The following KCTD8 variants were observed in gnomAD, a reference collection of about 807,000 sequenced individuals.
KCTD8 encodes the protein BTB/POZ domain-containing protein KCTD8.
Under a neutral mutation model 31.5 loss-of-function variants are expected in KCTD8, and 27 were observed. The observed-to-expected ratio is 0.86, with a 90% CI of 0.63 to 1.18. The LOEUF (loss-of-function observed/expected upper bound fraction) is 1.18. Among genes scored for constraint, KCTD8 ranks in the 50% most tolerant of loss-of-function variants. The probability of loss-of-function intolerance (pLI) is 0.00; values close to 1 mark genes in which losing one functional copy is unlikely to be tolerated. For missense variants in KCTD8, 658 were observed against 647.7 expected, an observed-to-expected ratio of 1.02 and a Z score of -0.17; for synonymous variants, 290 against 280.0, an observed-to-expected ratio of 1.04 and a Z score of -0.36.
intron 1 of KCTD8, among the ~76,000 whole-genome samples, chr4:44,442,126 G>A (rs1365672536): frequency 6.6e-6 from 1 of 151,698 alleles, no homozygotes; most frequent in Non-Finnish European, 1.5e-5. Context: ...GGAAGGAAAT[G>A]AATTAAGATT....
At chr4:44,318,543 T>G (rs950445253) in intron 1 of KCTD8, among the ~76,000 whole-genome samples, 9 of 152,158 alleles carry the variant, frequency 5.9e-5, no homozygotes, top group African/African-American at 1.9e-4. Context: ...CTGCAGAGAC[T>G]TCAAGTCAGA....
At chr4:44,238,810 G>A (rs1715364763) in intron 1 of KCTD8, among the ~76,000 whole-genome samples, 1 of 152,016 alleles carries the variant, frequency 6.6e-6, no homozygotes, top group Non-Finnish European at 1.5e-5. Context: ...CTTTACACAG[G>A]AATTAACATA....
At chr4:44,291,884 C>T (rs997054502) in intron 1 of KCTD8, among the ~76,000 whole-genome samples, 2 of 145,156 alleles carry the variant, frequency 1.4e-5, no homozygotes, top group East Asian at 4.3e-4. Context: ...ACAGGCTCAA[C>T]ATCACTGATC....
intron 1 of KCTD8, among the ~76,000 whole-genome samples, chr4:44,284,031 T>C (rs950097584): frequency 2.0e-5 from 3 of 152,148 alleles, no homozygotes; most frequent in East Asian, 1.9e-4. Flanking sequence ...AGAATCAATA[T>C]GGTGAAAATG....
intron 1 of KCTD8, among the ~76,000 whole-genome samples, chr4:44,283,139 TC>T (rs1489075751): frequency 6.6e-6 from 1 of 151,540 alleles, no homozygotes; most frequent in African/African-American, 2.4e-5. Context: ...AACCTCCGCC[TC>T]CCAGGTCCAA....
chr4:44,279,782 T>C (rs1716849161), intron 1 of KCTD8, among the ~76,000 whole-genome samples: 1 of 152,088 alleles, frequency 6.6e-6, no homozygotes, highest in South Asian at 2.1e-4. Flanking sequence ...TACTTATTTA[T>C]ATCTTCTTTG....
chr4:44,384,970 T>G (rs911802316), intron 1 of KCTD8, among the ~76,000 whole-genome samples: 1 of 148,296 alleles, frequency 6.7e-6, no homozygotes, highest in Non-Finnish European at 1.5e-5. Flanking sequence ...ATATAATAGA[T>G]GAGAAGAATA....
At chr4:44,271,739 T>G (rs1716611006) in intron 1 of KCTD8, among the ~76,000 whole-genome samples, 1 of 152,172 alleles carries the variant, frequency 6.6e-6, no homozygotes, top group African/African-American at 2.4e-5. Flanking sequence ...ATCCCTTTGT[T>G]TCGGCCCATC....
At chr4:44,405,238 T>C (rs1390022010) in intron 1 of KCTD8, among the ~76,000 whole-genome samples, 2 of 125,618 alleles carry the variant, frequency 1.6e-5, no homozygotes, top group Admixed American at 1.5e-4. Flanking sequence ...ATCAGCCAGG[T>C]GTTTTTGTTT....
intron 1 of KCTD8, among the ~76,000 whole-genome samples, chr4:44,234,087 C>T (rs1437544238): frequency 2.1e-5 from 3 of 146,290 alleles, no homozygotes; most frequent in Admixed American, 7.0e-5. Flanking sequence ...TTTTAAGCCT[C>T]TTGCGTGTAA....
At chr4:44,437,852 C>A (rs191876611) in intron 1 of KCTD8, among the ~76,000 whole-genome samples, 1 of 151,964 alleles carries the variant, frequency 6.6e-6, no homozygotes, top group East Asian at 1.9e-4. Flanking sequence ...AGAATATAGC[C>A]CAAAGACTTT....
chr4:44,197,969 T>A (rs1366735383), intron 1 of KCTD8, among the ~76,000 whole-genome samples: 1 of 152,126 alleles, frequency 6.6e-6, no homozygotes, highest in Non-Finnish European at 1.5e-5. Flanking sequence ...AAACTGAACT[T>A]CTGGAATTGA....
intron 1 of KCTD8, among the ~76,000 whole-genome samples, chr4:44,366,904 G>A (rs1333873347): frequency 6.6e-6 from 1 of 152,074 alleles, no homozygotes; most frequent in African/African-American, 2.4e-5. Context: ...TGTTCTATCT[G>A]CTCCCCAAAT....
chr4:44,366,336 G>C (rs1478949776), intron 1 of KCTD8, among the ~76,000 whole-genome samples: 1 of 152,122 alleles, frequency 6.6e-6, no homozygotes, highest in East Asian at 1.9e-4. Flanking sequence ...ACTTGGTCAT[G>C]GGGGGTGGAT....
chr4:44,441,695 A>G (rs1340754938), intron 1 of KCTD8, among the ~76,000 whole-genome samples: 1 of 152,216 alleles, frequency 6.6e-6, no homozygotes, highest in African/African-American at 2.4e-5. Context: ...AATGTCCTAA[A>G]TCATAGTGTT....
At chr4:44,264,766 A>C (rs548576407) in intron 1 of KCTD8, among the ~76,000 whole-genome samples, 1 of 152,228 alleles carries the variant, frequency 6.6e-6, no homozygotes, top group East Asian at 1.9e-4. Flanking sequence ...TCCTACACCC[A>C]TGGAGTCTTG....
At chr4:44,434,387 C>T (rs1340941379) in intron 1 of KCTD8, among the ~76,000 whole-genome samples, 1 of 151,836 alleles carries the variant, frequency 6.6e-6, no homozygotes, top group Non-Finnish European at 1.5e-5. Context: ...GAAATATGTA[C>T]TATTATTCTG....
intron 1 of KCTD8, among the ~76,000 whole-genome samples, chr4:44,435,218 CT>C (rs1475141186): frequency 6.6e-6 from 1 of 151,924 alleles, no homozygotes; most frequent in African/African-American, 2.4e-5. Context: ...AGTGTCTTCT[CT>C]TTTATGCTCA....
chr4:44,335,746 A>C (rs2109415205), intron 1 of KCTD8, among the ~76,000 whole-genome samples: 1 of 152,312 alleles, frequency 6.6e-6, no homozygotes, highest in Middle Eastern at 3.4e-3. Context: ...TTATATTTAC[A>C]ATATAGATAC....
Sources: allele counts gnomAD v4.1 joint callset (sites outside exome capture counted in the v4.1 genomes callset), GRCh38; gene constraint gnomAD v4.1.1; transcripts MANE v1.5; gene names NCBI Gene and HGNC (gene_info 2026-07-23, HGNC 2026-07-21).